ZNF618: variants seen among roughly 807,000 people sequenced by gnomAD.
ZNF618 encodes zinc finger protein 618.
Under a neutral mutation model 103.0 loss-of-function variants are expected in ZNF618, and 34 were observed. The observed-to-expected ratio is 0.33, with a 90% CI of 0.25 to 0.44. ZNF618 has a LOEUF of 0.44. Among genes scored for constraint, ZNF618 ranks in the 20% least tolerant of loss-of-function variants. The probability of loss-of-function intolerance (pLI) is 1.00; values close to 1 mark genes in which losing one functional copy is unlikely to be tolerated. For synonymous variants in ZNF618, 551 were observed against 542.2 expected (o/e 1.02, Z -0.23); for missense variants, 1,059 against 1,295.4 (o/e 0.82, Z 2.80).
chr9:114,029,047 GGTT>G (rs1357833031), intron 11 of ZNF618, 75 bp downstream of exon 11: 2 of 1,494,056 alleles, frequency 1.3e-6, no homozygotes, highest in Non-Finnish European at 1.8e-6. Context: ...CTGTGCCTGG[GGTT>G]GTTGTTGCCT....
chr9:114,042,777 T>TA (rs1202833546), intron 13 of ZNF618, among the ~76,000 whole-genome samples: 8 of 152,190 alleles, frequency 5.3e-5, no homozygotes, highest in Non-Finnish European at 2.9e-5. Flanking sequence ...TGCAGTGAGC[T>TA]ATGATGGTGC....
chr9:114,042,043 A>G lies in ZNF618; in HGVS notation c.1246+5666A>G, dbSNP rs1349529242. 5.3e-5 allele frequency among the ~76,000 whole-genome samples: 8 copies of G among 152,168 alleles called. 1 individual carries two copies. Among genetic ancestry groups the G allele is most frequent in the Admixed American group, 5.2e-4 (8 of 15,282 alleles). ...GTAGTTCTCCTTGAAGAGGTCCTTC[A>G]CATCCCTTGTAAGTTGGATTCCTAG... On this transcript the variant is annotated intron_variant, in intron 13 of 14. Coordinates refer to ENST00000374126, the MANE Select transcript of ZNF618 (RefSeq NM_001318042.2).
intron 1 of ZNF618, among the ~76,000 whole-genome samples, chr9:113,878,766 C>T (rs1828210111): frequency 6.6e-6 from 1 of 152,176 alleles, no homozygotes; most frequent in African/African-American, 2.4e-5. Context: ...CTCCTTTTGC[C>T]AGCCACTAGC....
intron 1 of ZNF618, among the ~76,000 whole-genome samples, chr9:113,919,500 C>G (rs1023197901): frequency 3.9e-5 from 6 of 152,362 alleles, no homozygotes; most frequent in Non-Finnish European, 8.8e-5. Context: ...AGGAGGAAAA[C>G]TGGCTGGCGG....
At chr9:114,006,073 G>A (rs543370666) in intron 6 of ZNF618, among the ~76,000 whole-genome samples, 1 of 152,376 alleles carries the variant, frequency 6.6e-6, no homozygotes, top group South Asian at 2.1e-4. Flanking sequence ...GGTGAAGCTG[G>A]TGGTGGGAGG....
chr9:113,985,712 C>T (rs1039321050), intron 2 of ZNF618, among the ~76,000 whole-genome samples: 4 of 152,192 alleles, frequency 2.6e-5, no homozygotes, highest in Admixed American at 2.6e-4. Flanking sequence ...CTTCCCTCTG[C>T]GAGTTTGTCT....
In ZNF618 at chr9:113,951,597, GTA is replaced by G. The variant is rs1247978152; in HGVS notation, c.34-17512_34-17511del. On this transcript the variant is annotated intron_variant, in intron 1 of 14. Coordinates refer to ENST00000374126, the MANE Select transcript of ZNF618 (RefSeq NM_001318042.2). ...TGTATATGTGTGTGTGTGTGTGTGT[GTA>G]TATATATGTATATATATATATGTAT... Among the ~76,000 whole-genome samples the G allele has an allele frequency of 2.1e-3, 109 of 51,958 alleles. 17 individuals carry two copies. The highest frequency in any genetic ancestry group is 4.6e-3 in the East Asian group (3 of 646). 34.1% of individuals were successfully genotyped at this position (51,958 alleles called of 152,430 possible).
At chr9:114,022,812 G>A (rs910242277) in intron 10 of ZNF618, among the ~76,000 whole-genome samples, 18 of 151,820 alleles carry the variant, frequency 1.2e-4, no homozygotes, top group South Asian at 2.1e-4. Context: ...TATGTAATTC[G>A]AACCTTTGTT....
At chr9:114,048,075 T>A (rs1845815607) in intron 14 of ZNF618, 81 bp downstream of exon 14, 2 of 1,205,320 alleles carry the variant, frequency 1.7e-6, no homozygotes, top group Non-Finnish European at 2.4e-6. Flanking sequence ...TCCCACCATT[T>A]GTGCTTCCTG....
intron 13 of ZNF618, among the ~76,000 whole-genome samples, chr9:114,043,727 T>G (rs1845415060): frequency 6.6e-6 from 1 of 152,234 alleles, no homozygotes; most frequent in Non-Finnish European, 1.5e-5. Flanking sequence ...TTTTGATTTT[T>G]AAATTATGGC....
At chr9:113,919,479 G>C (rs755663338) in intron 1 of ZNF618, among the ~76,000 whole-genome samples, 15 of 152,272 alleles carry the variant, frequency 9.9e-5, no homozygotes, top group Admixed American at 4.6e-4. Context: ...GTATGTGTGT[G>C]TGCATCCCTG....
At position 114,002,079 on chromosome 9, in the gene ZNF618, A is replaced by G; in HGVS notation, c.511+6A>G. On this transcript the variant is annotated splice_donor_region_variant and intron_variant, in intron 5 of 14. Transcript: ENST00000374126. Reference sequence around the variant, plus strand: ...CCACGTGCGGGCGCACCGAGGTGAGAGGAGTGTCCCTGGGGCAGAGCCCAG... The same window carrying G: ...CCACGTGCGGGCGCACCGAGGTGAGGGGAGTGTCCCTGGGGCAGAGCCCAG... The G allele has an allele frequency of 6.2e-7, 1 of 1,612,120 alleles. No individual in the cohort carries two copies. Among genetic ancestry groups the G allele is most frequent in the Non-Finnish European group, 8.5e-7 (1 of 1,179,594 alleles).
At chr9:114,011,718 G>A (rs1842263676) in intron 9 of ZNF618, among the ~76,000 whole-genome samples, 1 of 152,240 alleles carries the variant, frequency 6.6e-6, no homozygotes, top group South Asian at 2.1e-4. Context: ...AGGAGTGAGT[G>A]CTGGGAAGTA....
At chr9:113,932,773 G>C (rs1833708910) in intron 1 of ZNF618, among the ~76,000 whole-genome samples, 4 of 152,136 alleles carry the variant, frequency 2.6e-5, no homozygotes, top group Admixed American at 1.3e-4. Flanking sequence ...GAGTGGGGTG[G>C]AGGTGTGGAA....
chr9:113,977,388 C>G (rs1461327670), intron 2 of ZNF618, among the ~76,000 whole-genome samples: 1 of 152,154 alleles, frequency 6.6e-6, no homozygotes, highest in Admixed American at 6.5e-5. Flanking sequence ...TAATGGTGAA[C>G]AGAGGGAGTG....
At chr9:114,016,830 CAG>C (rs1484087240) in intron 10 of ZNF618, 46 bp downstream of exon 10, 1 of 1,493,742 alleles carries the variant, frequency 6.7e-7, no homozygotes, top group Non-Finnish European at 9.2e-7. Context: ...GGACCCGGGA[CAG>C]GGTGGGCCAG....
At chr9:113,896,750 C>A (rs1485897256) in intron 1 of ZNF618, among the ~76,000 whole-genome samples, 1 of 151,582 alleles carries the variant, frequency 6.6e-6, no homozygotes, top group African/African-American at 2.4e-5. Context: ...TTGATTTTAC[C>A]ATTTGCTTTA....
intron 1 of ZNF618, among the ~76,000 whole-genome samples, chr9:113,888,151 T>C (rs565055235): frequency 6.6e-6 from 1 of 152,374 alleles, no homozygotes; most frequent in African/African-American, 2.4e-5. Flanking sequence ...CACCATATTC[T>C]AAGCTCACAA....
intron 3 of ZNF618, among the ~76,000 whole-genome samples, chr9:113,995,665 T>C (rs536419847): frequency 6.6e-6 from 1 of 152,292 alleles, no homozygotes; most frequent in East Asian, 1.9e-4. Flanking sequence ...GATGATATTT[T>C]TAATGGTCTC....
Sources: allele counts gnomAD v4.1 joint callset (sites outside exome capture counted in the v4.1 genomes callset), GRCh38; gene constraint gnomAD v4.1.1; transcripts MANE v1.5; gene names NCBI Gene and HGNC (gene_info 2026-07-23, HGNC 2026-07-21).